The following DIP2C variants were observed in gnomAD, a reference collection of about 807,000 sequenced individuals.
DIP2C encodes the protein disco-interacting protein 2 homolog C.
DIP2C carries 33 observed loss-of-function variants against 192.4 expected under a neutral mutation model. The ratio of observed to expected loss-of-function variants is 0.17; its 90% CI spans 0.13 to 0.23. The LOEUF is 0.23. DIP2C is among the 10% of genes least tolerant of loss of function. The pLI is 1.00. For synonymous variants in DIP2C, 979 were observed against 864.1 expected, an observed-to-expected ratio of 1.13 and a Z score of -2.33; for missense variants, 1,537 against 2,110.1, an observed-to-expected ratio of 0.73 and a Z score of 5.32.
chr10:548,866 T>C (rs1315852068), intron 1 of DIP2C, among the ~76,000 whole-genome samples: 1 of 115,200 alleles, frequency 8.7e-6, no homozygotes, highest in Non-Finnish European at 1.7e-5. Context: ...ATAGCACATT[T>C]CCCAAACCAA....
chr10:634,121 T>C (rs1298457426), intron 1 of DIP2C, among the ~76,000 whole-genome samples: 1 of 152,072 alleles, frequency 6.6e-6, no homozygotes, highest in East Asian at 1.9e-4. Context: ...AGCCTAATCA[T>C]CAGAAAGAGC....
chr10:432,447 C>T (rs1305502551), intron 4 of DIP2C, among the ~76,000 whole-genome samples: 2 of 152,142 alleles, frequency 1.3e-5, no homozygotes, highest in African/African-American at 4.8e-5. Context: ...CCATTTCATC[C>T]ACGTTATCAA....
chr10:305,486 T>C (rs2132293011), intron 32 of DIP2C, among the ~76,000 whole-genome samples: 1 of 152,370 alleles, frequency 6.6e-6, no homozygotes, highest in Non-Finnish European at 1.5e-5. Flanking sequence ...TCTTGATACT[T>C]GGGCTAACCA....
intron 1 of DIP2C, among the ~76,000 whole-genome samples, chr10:579,542 A>G (rs1017751762): frequency 6.6e-6 from 1 of 152,068 alleles, no homozygotes; most frequent in Non-Finnish European, 1.5e-5. Flanking sequence ...CCAGATCCAT[A>G]AAGTGTACAT....
chr10:427,550 G>C (rs561515267), intron 4 of DIP2C, among the ~76,000 whole-genome samples: 9 of 150,970 alleles, frequency 6.0e-5, no homozygotes, highest in Non-Finnish European at 1.3e-4. Flanking sequence ...TAACCCATAA[G>C]ATGACAACCA....
chr10:384,326 T>C lies in DIP2C; in HGVS notation c.1757-180A>G, dbSNP rs113762692. The stretch of plus-strand genomic sequence containing the variant: ...TGATCTTGGCTCACCGCAACCTCCT[T>C]CTCCTGGGTTCAAGATTTCTCCTGC... On this transcript the variant is annotated intron_variant, in intron 15 of 36. Transcript: ENST00000280886. Among the ~76,000 whole-genome samples the C allele has an allele frequency of 6.1e-3, 803 of 132,504 alleles. 4 individuals are homozygous for C. Among genetic ancestry groups the C allele is most frequent in the Middle Eastern group, 0.017 (4 of 238 alleles). 86.9% of individuals were successfully genotyped at this position (132,504 alleles called of 152,430 possible).
intron 1 of DIP2C, among the ~76,000 whole-genome samples, chr10:654,683 C>A (rs883728): frequency 0.85 from 128,560 of 151,918 alleles, 56,586 homozygotes; most frequent in Non-Finnish European, 0.96. Context: ...ACCTCCTCCC[C>A]CTCTTATCTC....
At chr10:517,785 A>G (rs1846451795) in intron 1 of DIP2C, among the ~76,000 whole-genome samples, 1 of 152,208 alleles carries the variant, frequency 6.6e-6, no homozygotes, top group Non-Finnish European at 1.5e-5. Context: ...CTCTGTGATA[A>G]TATAAAAGGT....
chr10:406,147 A>G (rs969699805), intron 9 of DIP2C, among the ~76,000 whole-genome samples: 9 of 152,244 alleles, frequency 5.9e-5, no homozygotes, highest in Admixed American at 5.2e-4. Context: ...AGGCCATACT[A>G]TGAAAGAATT....
chr10:537,315 TGACTC>T (rs1326469816), intron 1 of DIP2C, among the ~76,000 whole-genome samples: 1 of 152,162 alleles, frequency 6.6e-6, no homozygotes, highest in African/African-American at 2.4e-5. Flanking sequence ...TCGGGGTAAA[TGACTC>T]AAACAGAGCA....
intron 17 of DIP2C, among the ~76,000 whole-genome samples, chr10:376,947 T>C (rs191816908): frequency 4.6e-5 from 7 of 152,220 alleles, no homozygotes; most frequent in African/African-American, 1.2e-4. Flanking sequence ...ATAAGTGAGA[T>C]TGCGATTTTT....
chr10:588,625 G>A lies in DIP2C; in HGVS notation c.85+100869C>T, dbSNP rs548590151. ...GAGGCAAGTCCAAGCGCAGAGGCTC[G>A]TGGACCCAAAGCTTGCTCCAGGGCC... On this transcript the variant is annotated intron_variant, in intron 1 of 36. Transcript: ENST00000280886. Among the ~76,000 whole-genome samples, 15 of 152,322 alleles carry A rather than the reference G, an allele frequency of 9.8e-5. 2 individuals carry two copies. In the South Asian group the frequency reaches 2.7e-3, roughly 27 times the overall value.
At chr10:405,011 C>T (rs979931416) in intron 9 of DIP2C, among the ~76,000 whole-genome samples, 1 of 152,128 alleles carries the variant, frequency 6.6e-6, no homozygotes. Flanking sequence ...CTAAGGCGGA[C>T]CAAAAAACAC....
At chr10:420,952 C>T (rs1309068473) in intron 5 of DIP2C, among the ~76,000 whole-genome samples, 1 of 152,196 alleles carries the variant, frequency 6.6e-6, no homozygotes, top group Non-Finnish European at 1.5e-5. Context: ...CGCAGACGCA[C>T]GATCACACAC....
chr10:607,961 C>T (rs1852618501), intron 1 of DIP2C, among the ~76,000 whole-genome samples: 1 of 151,940 alleles, frequency 6.6e-6, no homozygotes, highest in South Asian at 2.1e-4. Context: ...GTGGCTGAGG[C>T]TTGCGGCTAC....
chr10:579,700 C>T (rs2131578415), intron 1 of DIP2C, among the ~76,000 whole-genome samples: 1 of 152,058 alleles, frequency 6.6e-6, no homozygotes, highest in East Asian at 1.9e-4. Flanking sequence ...CATGTATGTA[C>T]ACATAGTGTA....
intron 9 of DIP2C, among the ~76,000 whole-genome samples, chr10:401,942 A>G (rs1234990950): frequency 6.8e-6 from 1 of 146,312 alleles, no homozygotes; most frequent in Non-Finnish European, 1.5e-5. Flanking sequence ...ACTCTTCCTT[A>G]TGGACAAGTT....
At chr10:477,008 AT>A (rs1051857550) in intron 2 of DIP2C, among the ~76,000 whole-genome samples, 92 of 24,438 alleles carry the variant, frequency 3.8e-3, no homozygotes, top group African/African-American at 0.016. Flanking sequence ...GGGCTGGAAC[AT>A]TTCCATTTAA....
At chr10:413,189 T>A (rs1208070153) in intron 8 of DIP2C, among the ~76,000 whole-genome samples, 1 of 152,202 alleles carries the variant, frequency 6.6e-6, no homozygotes, top group African/African-American at 2.4e-5. Flanking sequence ...AGCCTGACAA[T>A]CTGCCCCTCC....
Sources: gnomAD v4.1 joint callset for allele counts (sites outside exome capture counted in the v4.1 genomes callset) on GRCh38, gnomAD v4.1.1 for gene constraint, MANE v1.5 for transcripts, NCBI Gene and HGNC (gene_info 2026-07-23, HGNC 2026-07-21) for gene names.